The following TOPBP1 variants were observed in gnomAD, a reference collection of about 807,000 sequenced individuals.
TOPBP1 encodes the protein DNA topoisomerase 2-binding protein 1.
In TOPBP1, 28 loss-of-function variants were observed where a neutral mutation model predicts 167.7. That is an observed-to-expected ratio of 0.17 (90% confidence interval 0.12 to 0.23). The LOEUF (loss-of-function observed/expected upper bound fraction) is 0.23. TOPBP1 is among the 10% of genes least tolerant of loss of function. The pLI, the probability that TOPBP1 is intolerant of heterozygous loss-of-function variation, is 1.00. For missense variants in TOPBP1, 1,554 were observed against 1,809.6 expected (o/e 0.86, Z 2.56); for synonymous variants, 598 against 611.4 (o/e 0.98, Z 0.32).
chr3:133,637,998 T>G lies in TOPBP1; in HGVS notation c.2398A>C (p.Arg800=), dbSNP rs762245189. ...ACTGCTGGGGAGGCTGCGACCTGTC[T>G]GGCATGTTGTGAGACCACAGCACGG... ...AFRAVVSQHA[R]QVAASPAVGQ... The change falls in exon 14 of 28, where the codon AGA becomes CGA. Residue 800 remains arginine (R), a synonymous_variant. Coordinates refer to ENST00000260810, the MANE Select transcript of TOPBP1 (RefSeq NM_007027.4). 1.2e-6 allele frequency: 2 copies of G among 1,613,908 alleles called. No homozygotes were observed. Among genetic ancestry groups the G allele is most frequent in the African/African-American group, 2.7e-5 (2 of 74,938 alleles).
chr3:133,641,320 T>C (rs1160659772), intron 12 of TOPBP1, among the ~76,000 whole-genome samples: 2 of 152,220 alleles, frequency 1.3e-5, no homozygotes, highest in Admixed American at 6.5e-5. Flanking sequence ...AACTTTCTGC[T>C]ACACGTAACC....
intron 19 of TOPBP1, among the ~76,000 whole-genome samples, chr3:133,621,822 T>C (rs1371062309): frequency 1.3e-5 from 2 of 152,282 alleles, no homozygotes; most frequent in East Asian, 1.9e-4. Flanking sequence ...ACAGAACATA[T>C]TAAATCTATT....
chr3:133,633,616 T>A (rs1935566110), intron 14 of TOPBP1, among the ~76,000 whole-genome samples: 1 of 152,012 alleles, frequency 6.6e-6, no homozygotes. Context: ...TGTGGTAAGA[T>A]CCCCGTATCT....
At chr3:133,610,638 A>G (rs1042109466) in intron 25 of TOPBP1, among the ~76,000 whole-genome samples, 1 of 80,244 alleles carries the variant, frequency 1.2e-5, no homozygotes, top group Non-Finnish European at 3.1e-5. Flanking sequence ...TTAAAATTTA[A>G]AAAAAAAAAA....
At chr3:133,604,018 T>G (rs569970134) in intron 27 of TOPBP1, among the ~76,000 whole-genome samples, 2 of 151,512 alleles carry the variant, frequency 1.3e-5, no homozygotes, top group African/African-American at 4.8e-5. Context: ...AATCACAAAT[T>G]AAAAAGATAG....
At chr3:133,644,429 G>T (rs1321125649) in intron 10 of TOPBP1, 66 bp from the exon 11 acceptor site, 5 of 1,340,638 alleles carry the variant, frequency 3.7e-6, no homozygotes, top group Non-Finnish European at 5.0e-6. Context: ...TCCTAGCAAG[G>T]ATATTAACGT....
At chr3:133,626,499 T>G (rs914755826) in intron 16 of TOPBP1, among the ~76,000 whole-genome samples, 1 of 152,196 alleles carries the variant, frequency 6.6e-6, no homozygotes, top group Non-Finnish European at 1.5e-5. Context: ...TTATAATTAG[T>G]TGAGTCTAGA....
At chr3:133,651,765 C>T (rs763823984) in intron 8 of TOPBP1, among the ~76,000 whole-genome samples, 2 of 152,170 alleles carry the variant, frequency 1.3e-5, no homozygotes, top group African/African-American at 4.8e-5. Context: ...TAATGTCTCT[C>T]TGTGTGACTC....
intron 16 of TOPBP1, chr3:133,628,155 AAT>A: frequency 1.9e-6 from 1 of 538,760 alleles, no homozygotes; most frequent in South Asian, 2.4e-5. Context: ...TACCCTAAAA[AAT>A]ATACATTATA....
rs1042579161 is a variant in TOPBP1, at chr3:133,600,370, T to G, written c.*880A>C. ...CTCCTGCCTCAGCCTCCTGAGTAGCTGGGATTACAGGCATGTGCCACCACA... is the reference window on the plus strand; with the variant it reads ...CTCCTGCCTCAGCCTCCTGAGTAGCGGGGATTACAGGCATGTGCCACCACA... On this transcript the variant is annotated 3_prime_UTR_variant, in exon 28 of 28. Coordinates refer to ENST00000260810, the MANE Select transcript of TOPBP1 (RefSeq NM_007027.4). 1 of 152,502 alleles carries G rather than the reference T, an allele frequency of 6.6e-6. No individual in the cohort carries two copies. Among genetic ancestry groups the G allele is most frequent in the Non-Finnish European group, 1.5e-5 (1 of 68,360 alleles). The allele number at this position is 152,502 out of a possible 1,614,324, so 9.4% of individuals were successfully genotyped here.
intron 4 of TOPBP1, 97 bp from the exon 5 acceptor site, chr3:133,656,954 T>C (rs1936496266): frequency 8.9e-7 from 1 of 1,119,002 alleles, no homozygotes; most frequent in Admixed American, 3.0e-5. Flanking sequence ...GTTGACAGTT[T>C]GAATACATAA....
Position 133,623,474 on chromosome 3 carries a change from T to C in TOPBP1, c.2929-17A>G, listed in dbSNP as rs1411618858. On this transcript the variant is annotated splice_polypyrimidine_tract_variant and intron_variant, in intron 17 of 27. Transcript: ENST00000260810. Reference sequence around the variant, plus strand: ...TTGGGCACACTGCAATACAATGGTGTGCTTTAAGACAGGACTGACAAAATC... The same window carrying C: ...TTGGGCACACTGCAATACAATGGTGCGCTTTAAGACAGGACTGACAAAATC... 10 of 1,599,114 alleles carry C rather than the reference T, an allele frequency of 6.3e-6. No individual in the cohort carries two copies. Among genetic ancestry groups the C allele is most frequent in the Non-Finnish European group, 6.8e-6 (8 of 1,170,966 alleles).
intron 2 of TOPBP1, among the ~76,000 whole-genome samples, chr3:133,660,172 C>A (rs1373632192): frequency 6.6e-6 from 1 of 152,036 alleles, no homozygotes; most frequent in South Asian, 2.1e-4. Context: ...GGCTATCTCA[C>A]CTCCTTCACG....
chr3:133,651,790 A>G (rs1278025982), intron 8 of TOPBP1, among the ~76,000 whole-genome samples: 1 of 152,184 alleles, frequency 6.6e-6, no homozygotes, highest in African/African-American at 2.4e-5. Flanking sequence ...CAAGAATTTT[A>G]ATTCTCTAAG....
chr3:133,649,469 G>C lies in TOPBP1; in HGVS notation c.1418C>G (p.Ser473Cys), dbSNP rs1489222993. The change falls in exon 10 of 28, where the codon TCT becomes TGT. Residue 473 changes from serine to cysteine, a missense_variant. Ser to Cys is a moderately radical substitution (Grantham distance 112). Coordinates refer to ENST00000260810, the MANE Select transcript of TOPBP1 (RefSeq NM_007027.4). ...TTCACTAGGAGCAAAGTCTTTCTTA[G>C]AGAAGCTGCTGTTCTTCTTTTTTAA... ...ALLKKKNSSF[S>C]KKDFAPSEKH... 1.9e-6 allele frequency: 3 copies of C among 1,613,750 alleles called. No individual in the cohort carries two copies. The highest frequency in any genetic ancestry group is 2.2e-5 in the East Asian group (1 of 44,868).
At chr3:133,618,032 T>C in intron 21 of TOPBP1, 181 bp downstream of exon 21, 1 of 583,426 alleles carries the variant, frequency 1.7e-6, no homozygotes, top group Non-Finnish European at 3.0e-6. Flanking sequence ...AATTTACTGA[T>C]GAAGTACCTC....
chr3:133,631,257 G>A lies in TOPBP1; in HGVS notation c.2521-2524C>T, dbSNP rs376627809. ...TAAAGTGTGAGCTTTAATTACAAAC[G>A]TATTTTCAGATGGCTACCTAATTGT... On this transcript the variant is annotated intron_variant, in intron 14 of 27. Coordinates refer to ENST00000260810, the MANE Select transcript of TOPBP1 (RefSeq NM_007027.4). Among the ~76,000 whole-genome samples, 94 of 152,230 alleles carry A rather than the reference G, an allele frequency of 6.2e-4. 1 individual carries two copies. The highest frequency in any genetic ancestry group is 3.4e-3 in the Middle Eastern group (1 of 294).
chr3:133,628,801 T>G, intron 14 of TOPBP1, 68 bp from the exon 15 acceptor site: 3 of 1,482,848 alleles, frequency 2.0e-6, no homozygotes, highest in Non-Finnish European at 2.7e-6. Context: ...GATGGGTTAA[T>G]AGGACAGGAA....
intron 23 of TOPBP1, 103 bp from the exon 24 acceptor site, chr3:133,612,655 C>A: frequency 8.7e-7 from 1 of 1,152,736 alleles, no homozygotes; most frequent in South Asian, 2.1e-5. Flanking sequence ...ATAAAATGCC[C>A]CAAACCATTT....
Sources: allele counts gnomAD v4.1 joint callset (sites outside exome capture counted in the v4.1 genomes callset), GRCh38; gene constraint gnomAD v4.1.1; transcripts MANE v1.5; gene names NCBI Gene and HGNC (gene_info 2026-07-23, HGNC 2026-07-21).